The following EPB41L3 variants were observed in gnomAD, a reference collection of about 807,000 sequenced individuals.
EPB41L3 encodes erythrocyte membrane protein band 4.1 like 3.
EPB41L3 carries 57 observed loss-of-function variants against 127.1 expected under a neutral mutation model. That is an observed-to-expected ratio of 0.45 (90% CI 0.36 to 0.56). The LOEUF (loss-of-function observed/expected upper bound fraction) is 0.56, where lower values mean the gene tolerates loss of function less well. Among genes scored for constraint, EPB41L3 ranks in the 20% least tolerant of loss-of-function variants. EPB41L3 has a pLI of 0.00. For missense variants in EPB41L3, 1,273 were observed against 1,372.2 expected (o/e 0.93, Z 1.14); for synonymous variants, 572 against 549.5 (o/e 1.04, Z -0.57).
At chr18:5,613,086 C>A (rs548558647) in intron 2 of EPB41L3, among the ~76,000 whole-genome samples, 155 of 152,300 alleles carry the variant, frequency 1.0e-3, no homozygotes, top group South Asian at 2.7e-3. Context: ...TAGTCCCTGG[C>A]ATCCATGGGT....
upstream of EPB41L3, among the ~76,000 whole-genome samples, chr18:5,629,856 A>C (rs1228005363): frequency 6.6e-6 from 1 of 152,182 alleles, no homozygotes; most frequent in Non-Finnish European, 1.5e-5. Context: ...GAGTGACAGC[A>C]GCAACTAGCG....
At chr18:5,518,212 G>A (rs546376874) in intron 1 of EPB41L3, among the ~76,000 whole-genome samples, 15 of 152,130 alleles carry the variant, frequency 9.9e-5, no homozygotes, top group Non-Finnish European at 1.9e-4. Flanking sequence ...CCATGGCCCC[G>A]TTTCTTCTGG....
At chr18:5,455,685 C>A (rs1450976519) in intron 3 of EPB41L3, among the ~76,000 whole-genome samples, 1 of 150,418 alleles carries the variant, frequency 6.6e-6, no homozygotes, top group East Asian at 2.0e-4. Context: ...TGAAACCAGA[C>A]TTTTGCACTC....
chr18:5,481,434 G>A (rs774034659), intron 2 of EPB41L3, among the ~76,000 whole-genome samples: 2 of 152,150 alleles, frequency 1.3e-5, no homozygotes, highest in African/African-American at 4.8e-5. Context: ...CAATAAAAGT[G>A]CAGAAAATCT....
chr18:5,523,778 T>A (rs566851138), intron 1 of EPB41L3, among the ~76,000 whole-genome samples: 19 of 152,026 alleles, frequency 1.2e-4, no homozygotes, highest in Non-Finnish European at 2.5e-4. Flanking sequence ...AGAGTAAAAC[T>A]CTGTTTAAAA....
intron 12 of EPB41L3, among the ~76,000 whole-genome samples, chr18:5,418,318 T>C (rs551807550): frequency 6.6e-6 from 1 of 152,300 alleles, no homozygotes; most frequent in South Asian, 2.1e-4. Flanking sequence ...ATAAACAAAC[T>C]GGTGGTCTTT....
intron 3 of EPB41L3, among the ~76,000 whole-genome samples, chr18:5,450,973 C>G (rs907913781): frequency 6.6e-6 from 1 of 152,140 alleles, no homozygotes; most frequent in Non-Finnish European, 1.5e-5. Flanking sequence ...GGAAGCACTA[C>G]GTGACTGCCT....
chr18:5,437,970 G>T, intron 6 of EPB41L3, 65 bp downstream of exon 6: 3 of 1,479,746 alleles, frequency 2.0e-6, no homozygotes, highest in Admixed American at 1.8e-5. Context: ...GCTCTTTCCG[G>T]AGCATTTAAG....
At position 5,397,377 on chromosome 18, in the gene EPB41L3, A is replaced by T; in HGVS notation, c.2522T>A (p.Val841Glu). The change falls in exon 18 of 23, where the codon GTG (valine) becomes GAG (glutamate). Residue 841 changes from valine to glutamate, a missense_variant. Transcript: ENST00000341928. The surrounding 1 kb of genome is among the most constrained non-coding windows in gnomAD (Gnocchi z 4.1). ...CTCAGTGCTAAGCGGCAGGTGGTGC[A>T]CGGTGGGTTCCGTCTCTATTCCACT... ...ESSGIETEPT[V>E]HHLPLSTEKV... 1 of 1,613,988 alleles carries T rather than the reference A, an allele frequency of 6.2e-7. No homozygotes were observed. Among genetic ancestry groups the T allele is most frequent in the Non-Finnish European group, 8.5e-7 (1 of 1,180,004 alleles).
At chr18:5,395,315 T>C (rs998282604) in intron 20 of EPB41L3, among the ~76,000 whole-genome samples, 168 bp from the exon 21 acceptor site, 1 of 152,214 alleles carries the variant, frequency 6.6e-6, no homozygotes. Flanking sequence ...GAGGACGGAA[T>C]GGAGGCCCTT....
chr18:5,519,484 C>A (rs2092900088), intron 1 of EPB41L3, among the ~76,000 whole-genome samples: 1 of 152,214 alleles, frequency 6.6e-6, no homozygotes, highest in Non-Finnish European at 1.5e-5. Context: ...TCTACCACAA[C>A]CAGTCAAGTG....
intron 16 of EPB41L3, chr18:5,398,951 C>T (rs1198145340): frequency 1.5e-5 from 6 of 399,002 alleles, no homozygotes; most frequent in South Asian, 1.3e-4. Flanking sequence ...TCCGCTGTGT[C>T]GTCTGGACCT....
rs754596861 is a variant in EPB41L3 at position 5,438,130 on chromosome 18, T to A, written c.530-20A>T. On this transcript the variant is annotated intron_variant, in intron 5 of 22. Coordinates refer to ENST00000341928, the MANE Select transcript of EPB41L3 (RefSeq NM_012307.5). ...CACCACCTGCAAGGATGGAAAAAAATTAGAGTAAAACCTTGAGAAATTCTT... is the reference window on the plus strand; with the variant it reads ...CACCACCTGCAAGGATGGAAAAAAAATAGAGTAAAACCTTGAGAAATTCTT... 5 of 1,610,304 alleles carry A rather than the reference T, an allele frequency of 3.1e-6. No individual in the cohort carries two copies. The highest frequency in any genetic ancestry group is 3.4e-6 in the Non-Finnish European group (4 of 1,178,218).
intron 3 of EPB41L3, among the ~76,000 whole-genome samples, chr18:5,445,694 G>A (rs995930336): frequency 6.6e-6 from 1 of 152,222 alleles, no homozygotes; most frequent in Admixed American, 6.5e-5. Context: ...GCCATGGACG[G>A]TTACTGGTCC....
chr18:5,604,408 A>G (rs541839992), intron 3 of EPB41L3, among the ~76,000 whole-genome samples: 19 of 152,212 alleles, frequency 1.2e-4, no homozygotes, highest in Admixed American at 3.9e-4. Context: ...GGGGTCTTTA[A>G]AAGTCATACC....
chr18:5,617,322 T>TA (rs1424593346), intron 1 of EPB41L3, among the ~76,000 whole-genome samples: 2 of 61,026 alleles, frequency 3.3e-5, no homozygotes, highest in South Asian at 5.7e-4. Flanking sequence ...TTATTATTAT[T>TA]TTTTTTTTTT....
At chr18:5,533,276 A>C (rs2093469426) in intron 1 of EPB41L3, among the ~76,000 whole-genome samples, 1 of 152,224 alleles carries the variant, frequency 6.6e-6, no homozygotes, top group South Asian at 2.1e-4. Context: ...CTACAGCTCC[A>C]AAGACTGAAG....
chr18:5,412,869 A>G (rs1348527620), intron 13 of EPB41L3, among the ~76,000 whole-genome samples: 1 of 81,334 alleles, frequency 1.2e-5, no homozygotes, highest in Admixed American at 1.2e-4. Flanking sequence ...ACTCAGAGCT[A>G]AAAAAAAAAA....
intron 10 of EPB41L3, 85 bp from the exon 11 acceptor site, chr18:5,423,638 T>G (rs2077758233): frequency 4.0e-6 from 5 of 1,250,488 alleles, no homozygotes; most frequent in Admixed American, 5.5e-5. Flanking sequence ...TGAGAGGTCA[T>G]GTGTTTTGCA....
Sources: gnomAD v4.1 joint callset for allele counts (sites outside exome capture counted in the v4.1 genomes callset) on GRCh38, gnomAD v4.1.1 for gene constraint, Gnocchi (gnomAD v3.1) non-coding constraint, MANE v1.5 for transcripts, NCBI Gene and HGNC (gene_info 2026-07-23, HGNC 2026-07-21) for gene names.